Variants in LHFPL3 observed in about 807,000 individuals in gnomAD.
LHFPL3 encodes LHFPL tetraspan subfamily member 3 protein.
In LHFPL3, 5 loss-of-function variants were observed where a neutral mutation model predicts 19.3. The ratio of observed to expected loss-of-function variants is 0.26; its 90% CI spans 0.14 to 0.54. The LOEUF (loss-of-function observed/expected upper bound fraction) is 0.54. Among genes scored for constraint, LHFPL3 ranks in the 20% least tolerant of loss-of-function variants. The probability of loss-of-function intolerance (pLI) is 0.94; values close to 1 mark genes in which losing one functional copy is unlikely to be tolerated. For missense variants in LHFPL3, 249 were observed against 307.4 expected (o/e 0.81, Z 1.42); for synonymous variants, 133 against 126.2 (o/e 1.05, Z -0.36).
At chr7:104,454,298 G>A (rs1395718727) in intron 1 of LHFPL3, among the ~76,000 whole-genome samples, 3 of 152,210 alleles carry the variant, frequency 2.0e-5, no homozygotes, top group African/African-American at 7.2e-5. Context: ...ACCATAGGTA[G>A]ACCAATTGCT....
chr7:104,788,408 A>G (rs1789963637), intron 2 of LHFPL3, among the ~76,000 whole-genome samples: 1 of 152,204 alleles, frequency 6.6e-6, no homozygotes, highest in African/African-American at 2.4e-5. Flanking sequence ...CAGTCTTCAC[A>G]CACCATTTCA....
chr7:104,488,961 G>A (rs553130550), intron 1 of LHFPL3, among the ~76,000 whole-genome samples: 1 of 151,382 alleles, frequency 6.6e-6, no homozygotes, highest in South Asian at 2.1e-4. Flanking sequence ...TGGCTTCATG[G>A]GCATGTGACC....
At chr7:104,331,408 C>G (rs1253342147) in intron 1 of LHFPL3, among the ~76,000 whole-genome samples, 1 of 152,056 alleles carries the variant, frequency 6.6e-6, no homozygotes, top group East Asian at 1.9e-4. Context: ...AATTATTTGG[C>G]ATTTTATTTC....
At chr7:104,812,977 G>T (rs922896974) in intron 2 of LHFPL3, among the ~76,000 whole-genome samples, 1 of 152,006 alleles carries the variant, frequency 6.6e-6, no homozygotes, top group African/African-American at 2.4e-5. Flanking sequence ...GCTGGATGTG[G>T]TGGCTCACAC....
chr7:104,588,384 C>A (rs950253410), intron 1 of LHFPL3, among the ~76,000 whole-genome samples: 2 of 152,110 alleles, frequency 1.3e-5, no homozygotes, highest in Non-Finnish European at 2.9e-5. Context: ...ATCATTTCCC[C>A]GTTGCTTGTT....
At chr7:104,704,918 G>C (rs1349106655) in intron 1 of LHFPL3, among the ~76,000 whole-genome samples, 2 of 152,172 alleles carry the variant, frequency 1.3e-5, no homozygotes, top group Non-Finnish European at 2.9e-5. Context: ...TTATAGGCAT[G>C]AGCCATTGCA....
intron 2 of LHFPL3, among the ~76,000 whole-genome samples, chr7:104,835,901 G>T (rs577247771): frequency 3.3e-5 from 5 of 151,934 alleles, no homozygotes; most frequent in East Asian, 1.9e-4. Flanking sequence ...TTAGGTATTT[G>T]TCCTAATGCT....
intron 1 of LHFPL3, among the ~76,000 whole-genome samples, chr7:104,514,401 A>G (rs1793882097): frequency 6.6e-6 from 1 of 152,140 alleles, no homozygotes; most frequent in East Asian, 1.9e-4. Flanking sequence ...CTGGACTATA[A>G]ACTCCACGAG....
At chr7:104,614,025 G>A (rs1218297715) in intron 1 of LHFPL3, among the ~76,000 whole-genome samples, 1 of 152,090 alleles carries the variant, frequency 6.6e-6, no homozygotes, top group East Asian at 1.9e-4. Flanking sequence ...CAAAGAATTG[G>A]CTCCCAGGTC....
At chr7:104,873,135 T>C (rs1791868171) in intron 2 of LHFPL3, among the ~76,000 whole-genome samples, 1 of 152,246 alleles carries the variant, frequency 6.6e-6, no homozygotes, top group African/African-American at 2.4e-5. Flanking sequence ...AACACCATTA[T>C]GTGGCACCTG....
At chr7:104,376,649 A>G (rs1324481558) in intron 1 of LHFPL3, among the ~76,000 whole-genome samples, 2 of 152,190 alleles carry the variant, frequency 1.3e-5, no homozygotes, top group Non-Finnish European at 2.9e-5. Flanking sequence ...GCTTTTATCA[A>G]AATATACTCC....
At chr7:104,706,540 A>G (rs1317766544) in intron 1 of LHFPL3, among the ~76,000 whole-genome samples, 1 of 152,246 alleles carries the variant, frequency 6.6e-6, no homozygotes, top group East Asian at 1.9e-4. Context: ...AGGCTGAGGC[A>G]GAGCCAAAAT....
At chr7:104,559,355 T>C (rs1039294612) in intron 1 of LHFPL3, among the ~76,000 whole-genome samples, 4 of 150,714 alleles carry the variant, frequency 2.7e-5, no homozygotes, top group African/African-American at 7.4e-5. Flanking sequence ...TTTTATTTCG[T>C]TGAGCAGTGG....
intron 1 of LHFPL3, chr7:104,668,437 C>T: frequency 6.2e-7 from 1 of 1,608,754 alleles, no homozygotes; most frequent in South Asian, 1.1e-5. Context: ...CGTTATGATT[C>T]AGACCGGTAT....
At chr7:104,767,415 G>T (rs2116387553) in intron 2 of LHFPL3, among the ~76,000 whole-genome samples, 1 of 152,258 alleles carries the variant, frequency 6.6e-6, no homozygotes, top group South Asian at 2.1e-4. Context: ...ACAGCCAGAG[G>T]AATCACCCCA....
At chr7:104,760,527 C>G (rs1308004953) in intron 2 of LHFPL3, among the ~76,000 whole-genome samples, 3 of 152,202 alleles carry the variant, frequency 2.0e-5, no homozygotes, top group Non-Finnish European at 2.9e-5. Flanking sequence ...AAAGTACACA[C>G]ACTTTGAAGT....
rs1172833042 is a variant in LHFPL3 at position 104,624,789 on chromosome 7, T to C, written c.446-111886T>C. On this transcript the variant is annotated intron_variant, in intron 1 of 2. Transcript: ENST00000424859. ...GGCAGGTTGAGATCTATGAAAGATG[T>C]GCTTTTCTTCTTTCTCTAGTGGAAA... Among the ~76,000 whole-genome samples the C allele has an allele frequency of 2.6e-5, 4 of 152,332 alleles. No homozygotes were observed. In the East Asian group the frequency reaches 5.8e-4, roughly 22 times the overall value.
chr7:104,715,530 T>C (rs1209713717), intron 1 of LHFPL3, among the ~76,000 whole-genome samples: 1 of 152,206 alleles, frequency 6.6e-6, no homozygotes, highest in Non-Finnish European at 1.5e-5. Flanking sequence ...CTGTGGGCTT[T>C]TTATACATGG....
intron 1 of LHFPL3, among the ~76,000 whole-genome samples, chr7:104,558,549 G>A (rs1382689359): frequency 6.6e-6 from 1 of 151,248 alleles, no homozygotes; most frequent in Non-Finnish European, 1.5e-5. Context: ...TTGTAAATTT[G>A]TTTGAGTTCA....
Sources: gnomAD v4.1 joint callset for allele counts (sites outside exome capture counted in the v4.1 genomes callset) on GRCh38, gnomAD v4.1.1 for gene constraint, MANE v1.5 for transcripts, NCBI Gene and HGNC (gene_info 2026-07-23, HGNC 2026-07-21) for gene names.